The following LOC400499 variants were observed in gnomAD, a reference collection of about 807,000 sequenced individuals.
chr16:11,441,523 C>T, the LOC400499 span, among the ~76,000 whole-genome samples: 3 of 152,204 alleles, frequency 2.0e-5, no homozygotes, highest in South Asian at 2.1e-4. Flanking sequence ...GAAGAACACT[C>T]ATTGCACGAT....
At chr16:11,375,685 C>A in the LOC400499 span, among the ~76,000 whole-genome samples, 4 of 151,356 alleles carry the variant, frequency 2.6e-5, no homozygotes, top group South Asian at 8.3e-4. Flanking sequence ...GCTTATTGGC[C>A]ATTTGCATAT....
At chr16:11,486,437 TGG>T in the LOC400499 span, among the ~76,000 whole-genome samples, 1 of 107,204 alleles carries the variant, frequency 9.3e-6, no homozygotes, top group African/African-American at 4.3e-5. Context: ...GATGGATGGA[TGG>T]ATGGATGAAT....
At chr16:11,424,569 C>A in the LOC400499 span, among the ~76,000 whole-genome samples, 3 of 152,356 alleles carry the variant, frequency 2.0e-5, 1 homozygote, top group Admixed American at 6.5e-5. Context: ...TTCATCTGGT[C>A]CAACCTCACA....
At chr16:11,398,400 T>C in the LOC400499 span, 26 of 1,232,280 alleles carry the variant, frequency 2.1e-5, no homozygotes, top group Middle Eastern at 3.1e-4. Context: ...CCAGCGTGCA[T>C]AGTCAGTCTG....
At chr16:11,460,183 AT>A in the LOC400499 span, 602 of 805,652 alleles carry the variant, frequency 7.5e-4, no homozygotes, top group Non-Finnish European at 9.1e-4. Context: ...AGAAAGCACT[AT>A]TTTTTTTTAA....
chr16:11,493,563 G>A, the LOC400499 span: 2 of 393,600 alleles, frequency 5.1e-6, no homozygotes, highest in Non-Finnish European at 9.0e-6. Context: ...ATGAACAACT[G>A]AATAAGTGAA....
chr16:11,372,259 A>AACTC, the LOC400499 span: 1 of 152,222 alleles, frequency 6.6e-6, no homozygotes, highest in East Asian at 1.9e-4. Context: ...CCTTCAAGGA[A>AACTC]ACTCCTGCCT....
At chr16:11,385,529 C>T in the LOC400499 span, 2 of 681,116 alleles carry the variant, frequency 2.9e-6, no homozygotes, top group South Asian at 1.5e-4. Context: ...TTAGCCTGCC[C>T]TGAGGCCTGG....
At chr16:11,403,506 C>T in the LOC400499 span, among the ~76,000 whole-genome samples, 6 of 152,176 alleles carry the variant, frequency 3.9e-5, no homozygotes, top group Admixed American at 1.3e-4. Flanking sequence ...CACACATACA[C>T]GCATGCACAC....
the LOC400499 span, chr16:11,414,268 G>A: frequency 1.8e-5 from 7 of 398,930 alleles, no homozygotes; most frequent in South Asian, 2.6e-4. Context: ...TGCACACAGC[G>A]GGTCCTCTGC....
At chr16:11,394,426 G>A in the LOC400499 span, among the ~76,000 whole-genome samples, 8 of 152,218 alleles carry the variant, frequency 5.3e-5, no homozygotes, top group African/African-American at 1.9e-4. Flanking sequence ...CAGTAAGGGT[G>A]TCACCCTCTC....
chr16:11,429,712 G>A, the LOC400499 span, among the ~76,000 whole-genome samples: 1 of 151,898 alleles, frequency 6.6e-6, no homozygotes, highest in Non-Finnish European at 1.5e-5. Context: ...GGCTACAAGT[G>A]ATCTGCCCGC....
the LOC400499 span, among the ~76,000 whole-genome samples, chr16:11,415,741 T>C: frequency 6.6e-6 from 1 of 152,106 alleles, no homozygotes; most frequent in Non-Finnish European, 1.5e-5. Context: ...GAAGTCACTC[T>C]TGGCTGGGGG....
the LOC400499 span, among the ~76,000 whole-genome samples, chr16:11,415,185 C>A: frequency 6.6e-6 from 1 of 152,222 alleles, no homozygotes; most frequent in African/African-American, 2.4e-5. Flanking sequence ...CCCATCACCC[C>A]CTACAGAACA....
the LOC400499 span, among the ~76,000 whole-genome samples, chr16:11,447,506 C>T: frequency 6.6e-6 from 1 of 152,184 alleles, no homozygotes; most frequent in East Asian, 1.9e-4. Flanking sequence ...AACGATGCTG[C>T]TGTTCCTTTG....
chr16:11,448,848 G>C, the LOC400499 span: 1 of 1,266,438 alleles, frequency 7.9e-7, no homozygotes, highest in South Asian at 2.1e-5. Context: ...ATCCGAAGCA[G>C]GGAGAGAGGT....
At chr16:11,469,503 A>G in the LOC400499 span, 4 of 398,918 alleles carry the variant, frequency 1.0e-5, no homozygotes, top group African/African-American at 8.2e-5. Context: ...GGACGTTGAC[A>G]TTACCGTCCA....
the LOC400499 span, among the ~76,000 whole-genome samples, chr16:11,431,434 G>A: frequency 4.6e-4 from 70 of 152,162 alleles, no homozygotes; most frequent in South Asian, 4.2e-4. Context: ...AGGAGACAGA[G>A]TGACTCTGTC....
chr16:11,474,500 A>G, the LOC400499 span, among the ~76,000 whole-genome samples: 1 of 152,226 alleles, frequency 6.6e-6, no homozygotes, highest in East Asian at 1.9e-4. Flanking sequence ...AGCATTTTTA[A>G]GTGATTTTGG....
Sources: gnomAD v4.1 joint callset for allele counts (sites outside exome capture counted in the v4.1 genomes callset) on GRCh38, gnomAD v4.1.1 for gene constraint, MANE v1.5 for transcripts.